PI4KA: variants seen among roughly 807,000 people sequenced by gnomAD.
PI4KA encodes the protein phosphatidylinositol 4-kinase alpha, also known as PI4-kinase alpha.
A neutral mutation model predicts 271.4 loss-of-function variants in PI4KA; 122 were observed. The observed-to-expected ratio is 0.45, with a 90% confidence interval of 0.39 to 0.52. The LOEUF is 0.52. PI4KA is among the 20% of genes least tolerant of loss of function. The pLI, the probability that PI4KA is intolerant of heterozygous loss-of-function variation, is 0.00. For missense variants in PI4KA, 1,969 were observed against 2,769.1 expected (o/e 0.71, Z 6.48); for synonymous variants, 1,041 against 1,078.8 (o/e 0.96, Z 0.69).
intron 1 of PI4KA, among the ~76,000 whole-genome samples, chr22:20,856,166 G>C (rs570177356): frequency 6.6e-6 from 1 of 152,218 alleles, no homozygotes; most frequent in East Asian, 1.9e-4. Flanking sequence ...TAAAAAATTT[G>C]CCCGGGGTGG....
intron 23 of PI4KA, among the ~76,000 whole-genome samples, chr22:20,758,451 TTTC>T (rs1931571370): frequency 7.7e-6 from 1 of 129,134 alleles, no homozygotes; most frequent in African/African-American, 3.1e-5. Flanking sequence ...GTGATTTTTC[TTTC>T]TTTTCTTTTT....
At chr22:20,784,194 C>T (rs1934022181) in intron 19 of PI4KA, 3 of 1,614,022 alleles carry the variant, frequency 1.9e-6, no homozygotes, top group Middle Eastern at 1.6e-4. Context: ...ACCCTCGAAG[C>T]GCAACTGACA....
At chr22:20,751,833 C>G in intron 25 of PI4KA, 78 bp from the exon 26 acceptor site, 1 of 1,278,576 alleles carries the variant, frequency 7.8e-7, no homozygotes, top group Non-Finnish European at 1.1e-6. Context: ...CCTCAGCTGC[C>G]AGCCCGAGCC....
Position 20,813,339 on chromosome 22 carries a change from C to A in PI4KA, c.1005+19G>T. The A allele has an allele frequency of 6.2e-7, 1 of 1,603,632 alleles. No individual in the cohort carries two copies. The highest frequency in any genetic ancestry group is 1.3e-5 in the African/African-American group (1 of 74,756). On this transcript the variant is annotated intron_variant, in intron 8 of 54. Transcript: ENST00000255882. Reference sequence around the variant, plus strand: ...ACTGACATATCCATGGTCTGTTCATCCATCAGTTCTTTGCTTACCAGGTTT... The same window carrying A: ...ACTGACATATCCATGGTCTGTTCATACATCAGTTCTTTGCTTACCAGGTTT...
chr22:20,804,166 G>A, intron 12 of PI4KA, 134 bp downstream of exon 12: 6 of 662,010 alleles, frequency 9.1e-6, no homozygotes, highest in South Asian at 8.5e-5. Context: ...GCACGCACTG[G>A]TTAAAGCTCC....
intron 52 of PI4KA, 164 bp from the exon 53 acceptor site, chr22:20,710,161 C>G: frequency 1.5e-6 from 1 of 669,424 alleles, no homozygotes; most frequent in Non-Finnish European, 2.8e-6. Flanking sequence ...CGATCTGCTG[C>G]ACTTGGTAAC....
intron 3 of PI4KA, among the ~76,000 whole-genome samples, chr22:20,830,141 T>A (rs1248183814): frequency 6.6e-6 from 1 of 152,208 alleles, no homozygotes; most frequent in Non-Finnish European, 1.5e-5. Flanking sequence ...TCTGTAGATA[T>A]CTATTAGGTC....
rs540614243 is a variant in PI4KA, at chr22:20,719,853, C to T, written c.5117-1031G>A. Among the ~76,000 whole-genome samples the T allele has an allele frequency of 2.2e-3, 338 of 151,836 alleles. 2 individuals carry two copies. Among genetic ancestry groups the T allele is most frequent in the African/African-American group, 7.8e-3 (323 of 41,374 alleles). ...CATCCTGGCTAACATGGTGAAACAC[C>T]GTCTCTACTGAAAATACAAAAAAAT... On this transcript the variant is annotated intron_variant, in intron 43 of 54. Coordinates refer to ENST00000255882, the MANE Select transcript of PI4KA (RefSeq NM_058004.4).
chr22:20,732,930 T>A, intron 36 of PI4KA, 41 bp downstream of exon 36: 1 of 1,610,192 alleles, frequency 6.2e-7, no homozygotes, highest in Non-Finnish European at 8.5e-7. Flanking sequence ...ACCCCTGTCC[T>A]GCCTGCCTCC....
intron 19 of PI4KA, among the ~76,000 whole-genome samples, chr22:20,789,809 G>A (rs1934517078): frequency 6.6e-6 from 1 of 152,166 alleles, no homozygotes; most frequent in African/African-American, 2.4e-5. Context: ...GATTTCCATG[G>A]ACAGAGAGTG....
At position 20,707,815 on chromosome 22, in the gene PI4KA, CAG is replaced by C. The variant is rs1342740161; in HGVS notation, c.*230_*231del. The C allele has an allele frequency of 1.6e-6, 1 of 610,878 alleles. No individual in the cohort carries two copies. The highest frequency in any genetic ancestry group is 3.0e-6 in the Non-Finnish European group (1 of 335,376). The allele number at this position is 610,878 out of a possible 1,614,324, so 37.8% of individuals were successfully genotyped here. A position where few individuals can be genotyped will look rare whatever the true frequency, so the allele number is the denominator to read the frequency against. On this transcript the variant is annotated 3_prime_UTR_variant, in exon 55 of 55. Coordinates refer to ENST00000255882, the MANE Select transcript of PI4KA (RefSeq NM_058004.4). ...AGGTAGGGAATATGTCCAGTGCAAA[CAG>C]AGGACTCACACCTGTGCATAGACAG...
chr22:20,783,261 G>A (rs1204639204), intron 19 of PI4KA, among the ~76,000 whole-genome samples: 1 of 152,102 alleles, frequency 6.6e-6, no homozygotes, highest in Non-Finnish European at 1.5e-5. Context: ...CAAATGTCTT[G>A]TTAGTCACTA....
rs139822766 is a variant in PI4KA, at chr22:20,770,235, G to A, written c.2329-4542C>T. Among the ~76,000 whole-genome samples, 892 of 150,922 alleles carry A rather than the reference G, an allele frequency of 5.9e-3. 11 individuals are homozygous for A. Among genetic ancestry groups the A allele is most frequent in the East Asian group, 0.055 (281 of 5,124 alleles). ...TTGGTAGAGATGGGTTTTGCTAGCCGGGAGCAGTGGCTCATGCCTGTAATC... is the reference window on the plus strand; with the variant it reads ...TTGGTAGAGATGGGTTTTGCTAGCCAGGAGCAGTGGCTCATGCCTGTAATC... On this transcript the variant is annotated intron_variant, in intron 19 of 54. Transcript: ENST00000255882.
chr22:20,825,833 G>A (rs544124937), intron 3 of PI4KA, among the ~76,000 whole-genome samples: 3 of 152,194 alleles, frequency 2.0e-5, no homozygotes, highest in South Asian at 4.1e-4. Flanking sequence ...CATCATCCCC[G>A]TAATAAGCAT....
intron 22 of PI4KA, among the ~76,000 whole-genome samples, chr22:20,762,012 G>A (rs1932017382): frequency 6.6e-6 from 1 of 152,100 alleles, no homozygotes; most frequent in Non-Finnish European, 1.5e-5. Flanking sequence ...TTCATCTTTA[G>A]TATCTTCTGT....
chr22:20,845,469 A>T (rs1222308303), intron 1 of PI4KA, among the ~76,000 whole-genome samples: 1 of 152,224 alleles, frequency 6.6e-6, no homozygotes, highest in Non-Finnish European at 1.5e-5. Context: ...CTCTGAGAAC[A>T]AAAGACTAAG....
intron 10 of PI4KA, among the ~76,000 whole-genome samples, chr22:20,805,401 T>C (rs1935593074): frequency 6.6e-6 from 1 of 152,208 alleles, no homozygotes; most frequent in Non-Finnish European, 1.5e-5. Flanking sequence ...CCCAGGGATG[T>C]TACAGCCATG....
intron 19 of PI4KA, among the ~76,000 whole-genome samples, chr22:20,780,878 A>G (rs1933748049): frequency 6.6e-6 from 1 of 152,124 alleles, no homozygotes. Context: ...GCAATCTGTT[A>G]AATTGGAAGA....
chr22:20,785,141 C>T (rs1934119237), intron 19 of PI4KA, among the ~76,000 whole-genome samples: 1 of 150,174 alleles, frequency 6.7e-6, no homozygotes, highest in Non-Finnish European at 1.5e-5. Context: ...ATCATCATGG[C>T]TCACTGCAGC....
Sources: allele counts gnomAD v4.1 joint callset (sites outside exome capture counted in the v4.1 genomes callset), GRCh38; gene constraint gnomAD v4.1.1; transcripts MANE v1.5; gene names NCBI Gene and HGNC (gene_info 2026-07-23, HGNC 2026-07-21).